PCSK2: variants seen among roughly 807,000 people sequenced by gnomAD.
The protein encoded by PCSK2 is proprotein convertase subtilisin/kexin type 2, also known as neuroendocrine convertase 2.
Under a neutral mutation model 69.7 loss-of-function variants are expected in PCSK2, and 14 were observed. The ratio of observed to expected loss-of-function variants is 0.20; its 90% CI spans 0.13 to 0.31. PCSK2 has a LOEUF of 0.31. PCSK2 is among the 10% of genes least tolerant of loss of function. The pLI is 1.00. For synonymous variants in PCSK2, 307 were observed against 320.7 expected, an observed-to-expected ratio of 0.96 and a Z score of 0.46; for missense variants, 544 against 842.5, an observed-to-expected ratio of 0.65 and a Z score of 4.39.
intron 2 of PCSK2, among the ~76,000 whole-genome samples, chr20:17,357,191 A>T (rs1397441246): frequency 6.6e-6 from 1 of 152,216 alleles, no homozygotes; most frequent in East Asian, 1.9e-4. Flanking sequence ...CCATTGCCAG[A>T]AGCTGCTTGA....
At chr20:17,275,566 C>T (rs1988036384) in intron 2 of PCSK2, among the ~76,000 whole-genome samples, 2 of 152,126 alleles carry the variant, frequency 1.3e-5, no homozygotes, top group South Asian at 4.1e-4. Context: ...AAGTTTTGTG[C>T]TGACAAATCT....
At chr20:17,416,406 C>G (rs2031999269) in intron 6 of PCSK2, among the ~76,000 whole-genome samples, 1 of 152,142 alleles carries the variant, frequency 6.6e-6, no homozygotes, top group African/African-American at 2.4e-5. Context: ...ATGCAGCCAA[C>G]AGACACATGA....
intron 6 of PCSK2, among the ~76,000 whole-genome samples, chr20:17,423,332 C>T (rs2032172985): frequency 6.6e-6 from 1 of 152,070 alleles, no homozygotes; most frequent in Non-Finnish European, 1.5e-5. Flanking sequence ...TGAATTATTA[C>T]CTAAAGACCT....
At chr20:17,227,849 T>G (rs1481356393) in intron 1 of PCSK2, among the ~76,000 whole-genome samples, 1 of 152,130 alleles carries the variant, frequency 6.6e-6, no homozygotes, top group African/African-American at 2.4e-5. Flanking sequence ...GTTGGCTACT[T>G]GGCCAGGGAA....
chr20:17,350,631 A>T (rs948494619), intron 2 of PCSK2, among the ~76,000 whole-genome samples: 1 of 152,210 alleles, frequency 6.6e-6, no homozygotes, highest in Non-Finnish European at 1.5e-5. Context: ...GGCTTAGTCG[A>T]AAGTTCATAG....
At chr20:17,406,296 C>T (rs550711545) in intron 5 of PCSK2, among the ~76,000 whole-genome samples, 23 of 152,344 alleles carry the variant, frequency 1.5e-4, no homozygotes, top group African/African-American at 5.3e-4. Flanking sequence ...ATGGTTCCTC[C>T]TTGCTAGAAA....
At chr20:17,257,569 C>A (rs1374276975) in intron 1 of PCSK2, among the ~76,000 whole-genome samples, 1 of 152,180 alleles carries the variant, frequency 6.6e-6, no homozygotes, top group Admixed American at 6.5e-5. Context: ...GCTTGGTTAA[C>A]TTAATAGTTA....
At chr20:17,356,968 T>C (rs2030223132) in intron 2 of PCSK2, among the ~76,000 whole-genome samples, 1 of 152,130 alleles carries the variant, frequency 6.6e-6, no homozygotes, top group Admixed American at 6.5e-5. Context: ...ACCTGATGGA[T>C]TGGAAGTAAT....
At chr20:17,391,906 G>GAGAAAGGAAGGAAGGA (rs1555792739) in intron 5 of PCSK2, among the ~76,000 whole-genome samples, 1 of 99,966 alleles carries the variant, frequency 1.0e-5, no homozygotes, top group Non-Finnish European at 2.0e-5. Context: ...GAAAGAGAGA[G>GAGAAAGGAAGGAAGGA]AGGAAGGAAG....
At chr20:17,267,382 G>A (rs1364069071) in intron 2 of PCSK2, among the ~76,000 whole-genome samples, 2 of 152,194 alleles carry the variant, frequency 1.3e-5, no homozygotes, top group African/African-American at 4.8e-5. Flanking sequence ...ATGCAATGGG[G>A]GAGGTATGCA....
intron 5 of PCSK2, 95 bp from the exon 6 acceptor site, chr20:17,409,168 C>A (rs1469181862): frequency 3.3e-6 from 3 of 922,210 alleles, no homozygotes; most frequent in South Asian, 2.7e-5. Context: ...ATCCAGCACT[C>A]CAGGGAGGAC....
intron 1 of PCSK2, among the ~76,000 whole-genome samples, chr20:17,260,006 A>C (rs1987316528): frequency 6.6e-6 from 1 of 152,090 alleles, no homozygotes; most frequent in Non-Finnish European, 1.5e-5. Context: ...GAAAGAATAG[A>C]AGGTATTTGG....
In PCSK2 at chr20:17,336,789, G is replaced by A. The variant is rs6136072; in HGVS notation, c.283-21538G>A. The stretch of plus-strand genomic sequence containing the variant: ...CCAATCCATGGAAACAGCTCCATCC[G>A]TGTCTGAAGAGGGTCGACTGAAAGC... On this transcript the variant is annotated intron_variant, in intron 2 of 11. Transcript: ENST00000262545. 3.0e-4 allele frequency among the ~76,000 whole-genome samples: 46 copies of A among 152,290 alleles called. No individual in the cohort carries two copies. In the East Asian group the frequency reaches 5.0e-3, roughly 17 times the overall value.
In PCSK2 at chr20:17,483,889, A is replaced by G. The variant is rs772871154; in HGVS notation, c.*1819A>G. On this transcript the variant is annotated 3_prime_UTR_variant, in exon 12 of 12. Coordinates refer to ENST00000262545, the MANE Select transcript of PCSK2 (RefSeq NM_002594.5). ...GACATTATGTGTGCATGTGTGTATA[A>G]GTGCACACAGAAATATATATACATA... 6.6e-6 allele frequency: 1 copy of G among 152,636 alleles called. No homozygotes were observed. Among genetic ancestry groups the G allele is most frequent in the Non-Finnish European group, 1.5e-5 (1 of 68,032 alleles). The allele number at this position is 152,636 out of a possible 1,614,324, so 9.5% of individuals were successfully genotyped here. A position where few individuals can be genotyped will look rare whatever the true frequency, so the allele number is the denominator to read the frequency against.
At chr20:17,361,743 GT>G (rs1377490164) in intron 4 of PCSK2, among the ~76,000 whole-genome samples, 1 of 152,192 alleles carries the variant, frequency 6.6e-6, no homozygotes, top group African/African-American at 2.4e-5. Context: ...ATGCCTCAAT[GT>G]TTTTTGATGT....
chr20:17,243,952 A>ATTTTTTATT (rs1986680115), intron 1 of PCSK2, among the ~76,000 whole-genome samples: 1 of 152,102 alleles, frequency 6.6e-6, no homozygotes, highest in Non-Finnish European at 1.5e-5. Context: ...TTTGGGCCAG[A>ATTTTTTATT]TTTTTTATTT....
intron 2 of PCSK2, among the ~76,000 whole-genome samples, chr20:17,287,426 C>CGTATCTGTGTGT (rs1555785111): frequency 9.8e-6 from 1 of 102,188 alleles, no homozygotes; most frequent in African/African-American, 3.8e-5. Context: ...CCAGCATGTG[C>CGTATCTGTGTGT]GTGTCTGTGT....
intron 11 of PCSK2, among the ~76,000 whole-genome samples, chr20:17,476,773 A>C (rs2123420181): frequency 6.6e-6 from 1 of 152,346 alleles, no homozygotes; most frequent in East Asian, 1.9e-4. Flanking sequence ...TTAGTTATTC[A>C]TCACCTTACC....
intron 8 of PCSK2, among the ~76,000 whole-genome samples, chr20:17,444,566 C>T (rs6034830): frequency 0.081 from 12,356 of 152,204 alleles, 585 homozygotes; most frequent in East Asian, 0.17. Context: ...CCCTGAATTA[C>T]CAGAGGGTTC....
Sources: allele counts gnomAD v4.1 joint callset (sites outside exome capture counted in the v4.1 genomes callset), GRCh38; gene constraint gnomAD v4.1.1; transcripts MANE v1.5; gene names NCBI Gene and HGNC (gene_info 2026-07-23, HGNC 2026-07-21).